The following SCN1A variants were observed in gnomAD, a reference collection of about 807,000 sequenced individuals.
SCN1A encodes the protein sodium channel protein type 1 subunit alpha.
In SCN1A, 13 loss-of-function variants were observed where a neutral mutation model predicts 193.7. The ratio of observed to expected loss-of-function variants is 0.07; its 90% confidence interval spans 0.04 to 0.11. The LOEUF is 0.11. SCN1A is among the 10% of genes least tolerant of loss of function. The probability of loss-of-function intolerance (pLI) is 1.00; values close to 1 mark genes in which losing one functional copy is unlikely to be tolerated. For missense variants in SCN1A, 1,432 were observed against 2,451.1 expected (o/e 0.58, Z 8.78); for synonymous variants, 781 against 843.6 (o/e 0.93, Z 1.29).
At chr2:166,115,831 C>A (rs551321947) in intron 2 of SCN1A, among the ~76,000 whole-genome samples, 2 of 152,086 alleles carry the variant, frequency 1.3e-5, no homozygotes, top group South Asian at 4.2e-4. Context: ...AAAGAAGGTA[C>A]AGTATAGCAG....
chr2:166,048,266 C>A (rs917101993), intron 10 of SCN1A, among the ~76,000 whole-genome samples: 2 of 151,960 alleles, frequency 1.3e-5, no homozygotes, highest in Non-Finnish European at 2.9e-5. Context: ...AAATGTGTGT[C>A]ATGAGGGTTT....
chr2:166,026,454 T>C (rs868635008), intron 19 of SCN1A, among the ~76,000 whole-genome samples: 2 of 152,030 alleles, frequency 1.3e-5, no homozygotes, highest in African/African-American at 2.4e-5. Context: ...TGTTAGCACA[T>C]GAAATACGAA....
At chr2:166,037,697 A>T in intron 18 of SCN1A, 79 bp downstream of exon 18, 2 of 1,245,032 alleles carry the variant, frequency 1.6e-6, no homozygotes, top group Non-Finnish European at 2.4e-6. Context: ...ACATGTGCAC[A>T]ATGTGCAGGT....
chr2:166,006,015 C>A (rs1181021958), intron 23 of SCN1A, among the ~76,000 whole-genome samples: 1 of 151,132 alleles, frequency 6.6e-6, no homozygotes, highest in Non-Finnish European at 1.5e-5. Context: ...TAAGTCTACA[C>A]TAAATGAAGG....
At chr2:166,072,837 C>CTTT (rs796420549) in intron 4 of SCN1A, among the ~76,000 whole-genome samples, 1,886 of 119,388 alleles carry the variant, frequency 0.016, 75 homozygotes, top group African/African-American at 0.049. Flanking sequence ...TCTCTTCTTT[C>CTTT]TTTTTTTTTT....
chr2:166,039,525 T>C lies in SCN1A; in HGVS notation c.2487A>G (p.Gln829=). ...IIAMDPYYYF[Q]EGWNIFDGFI... ...AACCGTCAAAGATATTCCAGCCTTC[T>C]TGGAAATAATAGTAAGGATCCATGG... Residue 829 remains glutamine, a synonymous_variant, in exon 17 of 29, where the codon CAA becomes CAG. Transcript: ENST00000674923. 6.2e-7 allele frequency: 1 copy of C among 1,613,954 alleles called. No homozygotes were observed.
intron 1 of SCN1A, among the ~76,000 whole-genome samples, chr2:166,135,035 CT>C (rs1390491850): frequency 3.3e-5 from 5 of 152,054 alleles, no homozygotes; most frequent in African/African-American, 7.2e-5. Context: ...GTGTTCTTTC[CT>C]TTGCTCTTAA....
At chr2:166,020,847 T>C (rs559192568) in intron 19 of SCN1A, among the ~76,000 whole-genome samples, 4 of 152,058 alleles carry the variant, frequency 2.6e-5, no homozygotes, top group Non-Finnish European at 5.9e-5. Flanking sequence ...ACAGAAATAA[T>C]AGATGATGAA....
chr2:166,134,912 C>T (rs146706565), intron 1 of SCN1A, among the ~76,000 whole-genome samples: 155 of 152,172 alleles, frequency 1.0e-3, no homozygotes, highest in African/African-American at 3.2e-3. Flanking sequence ...GCATTATCTC[C>T]ATATCTATTG....
At position 166,101,213 on chromosome 2, in the gene SCN1A, C is replaced by A. The variant is rs1355798583; in HGVS notation, c.-141-23412G>T. Among the ~76,000 whole-genome samples the A allele has an allele frequency of 2.0e-5, 3 of 151,506 alleles. No individual in the cohort carries two copies. In the East Asian group the frequency reaches 5.8e-4, roughly 29 times the overall value. ...GATGAGTTCATGTCCTTTGTAGGGA[C>A]ATGGATGCAATTGGAAATCATCATT... On this transcript the variant is annotated intron_variant, in intron 2 of 28. Transcript: ENST00000674923.
intron 1 of SCN1A, among the ~76,000 whole-genome samples, chr2:166,145,580 C>T (rs561489790): frequency 1.3e-5 from 2 of 151,830 alleles, no homozygotes; most frequent in East Asian, 3.9e-4. Context: ...GGCTTGTCTA[C>T]TTCTATCGCA....
intron 27 of SCN1A, among the ~76,000 whole-genome samples, 197 bp downstream of exon 27, chr2:165,995,812 ATTTC>A (rs1320748747): frequency 6.6e-6 from 1 of 151,144 alleles, no homozygotes; most frequent in Non-Finnish European, 1.5e-5. Context: ...TGTATCTTCT[ATTTC>A]TTCTTGTTCT....
At chr2:165,997,718 T>C (rs878968157) in intron 26 of SCN1A, among the ~76,000 whole-genome samples, 1 of 151,290 alleles carries the variant, frequency 6.6e-6, no homozygotes. Flanking sequence ...AACAAATTGC[T>C]TTTGGGAAAG....
intron 2 of SCN1A, among the ~76,000 whole-genome samples, chr2:166,116,587 TTC>T (rs1689889426): frequency 4.2e-4 from 1 of 2,386 alleles, no homozygotes; most frequent in South Asian, 0.014. Flanking sequence ...ATTCATCAGA[TTC>T]AGTGTCCCAG....
At chr2:165,995,948 T>C (rs1270602694) in intron 27 of SCN1A, 65 bp downstream of exon 27, 7 of 1,103,814 alleles carry the variant, frequency 6.3e-6, no homozygotes, top group Middle Eastern at 2.0e-4. Context: ...ACTTTCTTTT[T>C]TGTGAGACAA....
intron 4 of SCN1A, among the ~76,000 whole-genome samples, chr2:166,069,935 G>A (rs1041243089): frequency 3.3e-5 from 5 of 152,086 alleles, no homozygotes; most frequent in African/African-American, 9.7e-5. Flanking sequence ...TATGTGTACC[G>A]CATTGTTTTA....
chr2:165,987,336 C>T lies in SCN1A; in HGVS notation c.*3909G>A, dbSNP rs1253007800. ...GTATTTCTCCAAAGTATACTTTCTT[C>T]TGTTTAAATTTTCTACTTAATAGAG... On this transcript the variant is annotated 3_prime_UTR_variant, in exon 29 of 29. Transcript: ENST00000674923. The T allele has an allele frequency of 6.6e-6, 1 of 152,042 alleles. No individual in the cohort carries two copies. The highest frequency in any genetic ancestry group is 1.5e-5 in the Non-Finnish European group (1 of 67,982). 9.4% of individuals were successfully genotyped at this position (152,042 alleles called of 1,614,324 possible). A position where few individuals can be genotyped will look rare whatever the true frequency, so the allele number is the denominator to read the frequency against.
intron 26 of SCN1A, 44 bp downstream of exon 26, chr2:165,997,994 T>A: frequency 6.7e-7 from 1 of 1,494,316 alleles, no homozygotes; most frequent in South Asian, 1.1e-5. Context: ...CTCCAAGGAA[T>A]AATTTTCTAT....
chr2:166,003,539 A>G (rs1416767572), intron 23 of SCN1A, among the ~76,000 whole-genome samples: 5 of 148,944 alleles, frequency 3.4e-5, no homozygotes, highest in Admixed American at 1.3e-4. Flanking sequence ...TTTTTTTTCT[A>G]TAGAAGGATG....
Sources: gnomAD v4.1 joint callset for allele counts (sites outside exome capture counted in the v4.1 genomes callset) on GRCh38, gnomAD v4.1.1 for gene constraint, MANE v1.5 for transcripts, NCBI Gene and HGNC (gene_info 2026-07-23, HGNC 2026-07-21) for gene names.